WWOX: variants seen among roughly 807,000 people sequenced by gnomAD.
WWOX encodes the protein WW domain containing oxidoreductase.
In WWOX, 69 loss-of-function variants were observed where a neutral mutation model predicts 46.2. That is an observed-to-expected ratio of 1.49 (90% CI 1.23 to 1.82). WWOX has a LOEUF of 1.82. Among genes scored for constraint, WWOX ranks in the 40% most tolerant of loss-of-function variants. The probability of loss-of-function intolerance (pLI) is 0.00; values close to 1 mark genes in which losing one functional copy is unlikely to be tolerated. For synonymous variants in WWOX, 359 were observed against 202.6 expected (o/e 1.77, Z -6.56); for missense variants, 919 against 542.6 (o/e 1.69, Z -6.89).
chr16:78,528,509 A>C (rs1047066620), intron 8 of WWOX, among the ~76,000 whole-genome samples: 9 of 152,128 alleles, frequency 5.9e-5, no homozygotes, highest in African/African-American at 1.9e-4. Flanking sequence ...GATGACTTTA[A>C]AATTAATGCT....
intron 5 of WWOX, among the ~76,000 whole-genome samples, chr16:78,313,376 CT>C (rs1169480974): frequency 6.6e-6 from 1 of 151,918 alleles, no homozygotes; most frequent in Non-Finnish European, 1.5e-5. Flanking sequence ...TTTCTTTTTT[CT>C]TTTTTTGAGA....
chr16:78,963,720 C>G lies in WWOX; in HGVS notation c.1057-247888C>G, dbSNP rs546803826. 2.6e-5 allele frequency among the ~76,000 whole-genome samples: 4 copies of G among 152,286 alleles called. No individual in the cohort carries two copies. The East Asian group carries it at 7.7e-4, about 29-fold the overall frequency. On this transcript the variant is annotated intron_variant, in intron 8 of 8. Transcript: ENST00000566780. Reference sequence around the variant, plus strand: ...TTGCACTATGCACTTAACACACAGACACATATTGTTTTTTCCATTTTAAGA... The same window carrying G: ...TTGCACTATGCACTTAACACACAGAGACATATTGTTTTTTCCATTTTAAGA...
chr16:78,314,583 G>A (rs2080317363), intron 5 of WWOX, among the ~76,000 whole-genome samples: 1 of 145,662 alleles, frequency 6.9e-6, no homozygotes, highest in Admixed American at 6.8e-5. Flanking sequence ...GGAGTGTAAT[G>A]GCGTGATACT....
rs535208292 is a variant in WWOX, at chr16:78,649,265, G to A, written c.1056+216513G>A. Among the ~76,000 whole-genome samples, 12 of 151,326 alleles carry A rather than the reference G, an allele frequency of 7.9e-5. No homozygotes were observed. In the East Asian group the frequency reaches 1.8e-3, roughly 22 times the overall value. Reference sequence around the variant, plus strand: ...CTTCCGAAGTGCTGGGATTACAGGCGTGAGCCACCGTGACTGACCTGTTTT... The same window carrying A: ...CTTCCGAAGTGCTGGGATTACAGGCATGAGCCACCGTGACTGACCTGTTTT... On this transcript the variant is annotated intron_variant, in intron 8 of 8. Coordinates refer to ENST00000566780, the MANE Select transcript of WWOX (RefSeq NM_016373.4).
intron 8 of WWOX, among the ~76,000 whole-genome samples, chr16:79,060,066 T>G (rs1178704019): frequency 6.6e-6 from 1 of 152,200 alleles, no homozygotes; most frequent in African/African-American, 2.4e-5. Context: ...TCAAACTGGT[T>G]ATATTTCTGG....
At chr16:78,573,529 C>G (rs972607790) in intron 8 of WWOX, among the ~76,000 whole-genome samples, 1 of 152,204 alleles carries the variant, frequency 6.6e-6, no homozygotes, top group Non-Finnish European at 1.5e-5. Flanking sequence ...CATCACTCCT[C>G]TGCTCAAAAA....
chr16:79,017,417 G>C (rs570876809), intron 8 of WWOX: 38 of 79,002 alleles, frequency 4.8e-4, no homozygotes, highest in African/African-American at 1.7e-3. Context: ...GCAACAGAGC[G>C]AGAATCCATC....
At chr16:78,464,553 A>G (rs1350855881) in intron 8 of WWOX, among the ~76,000 whole-genome samples, 3 of 152,170 alleles carry the variant, frequency 2.0e-5, no homozygotes, top group Non-Finnish European at 4.4e-5. Flanking sequence ...CGATCCTTCA[A>G]GGGATCCTTG....
chr16:78,805,153 T>TA (rs1423259288), intron 8 of WWOX, among the ~76,000 whole-genome samples: 1 of 70,388 alleles, frequency 1.4e-5, no homozygotes, highest in African/African-American at 4.7e-5. Context: ...GTGAAATGTT[T>TA]AAGGAGGCAA....
At chr16:78,779,988 T>G (rs781445851) in intron 8 of WWOX, among the ~76,000 whole-genome samples, 12 of 152,192 alleles carry the variant, frequency 7.9e-5, no homozygotes, top group Non-Finnish European at 1.5e-4. Context: ...GTGTTGTGTC[T>G]TCTGTGTCAA....
chr16:78,963,371 A>T (rs1295133500), intron 8 of WWOX, among the ~76,000 whole-genome samples: 8 of 152,170 alleles, frequency 5.3e-5, no homozygotes. Flanking sequence ...TGGGCAGCTG[A>T]GGCAGGAGAA....
intron 5 of WWOX, among the ~76,000 whole-genome samples, chr16:78,228,726 G>A (rs2037151480): frequency 6.6e-6 from 1 of 152,106 alleles, no homozygotes; most frequent in South Asian, 2.1e-4. Context: ...ACTTTCTGGT[G>A]AACATCATTA....
Position 78,344,000 on chromosome 16 carries a change from C to T in WWOX, c.517-42860C>T, listed in dbSNP as rs562888245. Among the ~76,000 whole-genome samples the T allele has an allele frequency of 7.5e-5, 9 of 119,346 alleles. 2 individuals carry two copies. The highest frequency in any genetic ancestry group is 2.5e-4 in the South Asian group (1 of 3,950). 78.3% of individuals were successfully genotyped at this position (119,346 alleles called of 152,430 possible). A position where few individuals can be genotyped will look rare whatever the true frequency, so the allele number is the denominator to read the frequency against. ...CTTGCTCTTTTTCTGCCCCTCATGCCGGCTCCTTCCTCCCACATCACCCCA... is the reference window on the plus strand; with the variant it reads ...CTTGCTCTTTTTCTGCCCCTCATGCTGGCTCCTTCCTCCCACATCACCCCA... On this transcript the variant is annotated intron_variant, in intron 5 of 8. Coordinates refer to ENST00000566780, the MANE Select transcript of WWOX (RefSeq NM_016373.4).
At chr16:78,607,884 G>T (rs2045800527) in intron 8 of WWOX, among the ~76,000 whole-genome samples, 2 of 152,132 alleles carry the variant, frequency 1.3e-5, no homozygotes, top group African/African-American at 4.8e-5. Flanking sequence ...ACAAGAGCTT[G>T]TCGGGGACCT....
At chr16:79,079,937 C>T (rs1200818328) in intron 8 of WWOX, among the ~76,000 whole-genome samples, 3 of 127,590 alleles carry the variant, frequency 2.4e-5, no homozygotes, top group Admixed American at 8.2e-5. Flanking sequence ...GTTCCTTCCA[C>T]CCCCTGGGAT....
At chr16:78,114,429 G>C (rs930882923) in intron 3 of WWOX, among the ~76,000 whole-genome samples, 11 of 152,150 alleles carry the variant, frequency 7.2e-5, no homozygotes, top group Non-Finnish European at 1.5e-4. Context: ...ATTTCTACAA[G>C]ATTTAGATCA....
At chr16:78,316,952 T>C (rs957603140) in intron 5 of WWOX, among the ~76,000 whole-genome samples, 3 of 152,250 alleles carry the variant, frequency 2.0e-5, no homozygotes, top group Non-Finnish European at 2.9e-5. Flanking sequence ...ATTGAACATC[T>C]AATAAGACCT....
At chr16:78,770,036 C>T (rs573198054) in intron 8 of WWOX, among the ~76,000 whole-genome samples, 3 of 150,804 alleles carry the variant, frequency 2.0e-5, no homozygotes, top group African/African-American at 4.9e-5. Flanking sequence ...AGAGTGAGAC[C>T]GTGTCTTTAA....
At chr16:78,671,754 A>T (rs1274773262) in intron 8 of WWOX, among the ~76,000 whole-genome samples, 1 of 152,222 alleles carries the variant, frequency 6.6e-6, no homozygotes, top group African/African-American at 2.4e-5. Flanking sequence ...TATTATTTAG[A>T]ACATAAGTAT....
Sources: allele counts gnomAD v4.1 joint callset (sites outside exome capture counted in the v4.1 genomes callset), GRCh38; gene constraint gnomAD v4.1.1; transcripts MANE v1.5; gene names NCBI Gene and HGNC (gene_info 2026-07-23, HGNC 2026-07-21).